Variants in OAS3 observed in about 807,000 individuals in gnomAD.
The protein encoded by OAS3 is 2'-5'-oligoadenylate synthetase 3, also known as 2'-5'-oligoadenylate synthase 3.
In OAS3, 107 loss-of-function variants were observed where a neutral mutation model predicts 113.0. The ratio of observed to expected loss-of-function variants is 0.95; its 90% CI spans 0.81 to 1.11. OAS3 has a LOEUF of 1.11. Ranked by LOEUF, OAS3 falls within the 50% of genes most tolerant of loss-of-function variation. The pLI is 0.00. For missense variants in OAS3, 1,258 were observed against 1,389.1 expected, an observed-to-expected ratio of 0.91 and a Z score of 1.50; for synonymous variants, 552 against 573.6, an observed-to-expected ratio of 0.96 and a Z score of 0.54.
chr12:112,961,310 G>A (rs1440697095), intron 8 of OAS3, 64 bp downstream of exon 8: 2 of 1,473,562 alleles, frequency 1.4e-6, no homozygotes, highest in African/African-American at 1.4e-5. Flanking sequence ...CAGCCAATCA[G>A]TTCCTCCTCT....
At chr12:112,957,993 C>A (rs1168271353) in intron 7 of OAS3, among the ~76,000 whole-genome samples, 1 of 152,226 alleles carries the variant, frequency 6.6e-6, no homozygotes, top group African/African-American at 2.4e-5. Context: ...TAGATTTGAT[C>A]TTTTCATATA....
rs2043915423 is a variant in OAS3 at position 112,964,357 on chromosome 12, G to T, written c.2352G>T (p.Leu784Phe). Residue 784 changes from leucine (L) to phenylalanine (F), a missense_variant, in exon 11 of 16, where the codon TTG (leucine) becomes TTT (phenylalanine). By Grantham distance (22) the Leu-to-Phe change is conservative. Coordinates refer to ENST00000228928, the MANE Select transcript of OAS3 (RefSeq NM_006187.4). Reference protein sequence around the residue: ...NKAVDTICSFLKENCFRNSPI... With the variant: ...NKAVDTICSFFKENCFRNSPI... ...CCGTTGATACCATCTGTTCATTTTT[G>T]AAGGAAAACTGCTTCCGGAATTCTC... 1 of 1,612,360 alleles carries T rather than the reference G, an allele frequency of 6.2e-7. No individual in the cohort carries two copies. Among genetic ancestry groups the T allele is most frequent in the African/African-American group, 1.3e-5 (1 of 74,926 alleles).
chr12:112,954,838 T>C lies in OAS3; in HGVS notation c.1657+3863T>C, dbSNP rs2043819687. On this transcript the variant is annotated intron_variant, in intron 7 of 15. Coordinates refer to ENST00000228928, the MANE Select transcript of OAS3 (RefSeq NM_006187.4). This position sits in a 1 kb window ranked among gnomAD's most constrained non-coding sequence, Gnocchi z 4.0. Reference sequence around the variant, plus strand: ...TGGTTTCATATGAACTTTAAAGTAGTTTTTTCCAATTCTGTGAAGAAAGTC... The same window carrying C: ...TGGTTTCATATGAACTTTAAAGTAGCTTTTTCCAATTCTGTGAAGAAAGTC... 6.6e-6 allele frequency among the ~76,000 whole-genome samples: 1 copy of C among 152,222 alleles called. No homozygotes were observed. The highest frequency in any genetic ancestry group is 2.1e-4 in the South Asian group (1 of 4,836).
Position 112,963,531 on chromosome 12 carries a change from G to A in OAS3, c.2229+74G>A, listed in dbSNP as rs914164922. The A allele has an allele frequency of 5.9e-6, 8 of 1,354,566 alleles. No individual in the cohort carries two copies. Among genetic ancestry groups the A allele is most frequent in the Non-Finnish European group, 6.8e-6 (7 of 1,035,348 alleles). The allele number at this position is 1,354,566 out of a possible 1,614,324, so 83.9% of individuals were successfully genotyped here. ...AGTCAGGTTCCCTTAACCTGCCGGT[G>A]CACCCATCCCCAGCTGCTAGGAGTG... On this transcript the variant is annotated intron_variant, in intron 10 of 15. Coordinates refer to ENST00000228928, the MANE Select transcript of OAS3 (RefSeq NM_006187.4). This position sits in a 1 kb window ranked among gnomAD's most constrained non-coding sequence, Gnocchi z 4.6.
intron 5 of OAS3, 93 bp downstream of exon 5, chr12:112,948,192 A>G: frequency 2.3e-6 from 3 of 1,281,464 alleles, no homozygotes; most frequent in Non-Finnish European, 3.1e-6. Flanking sequence ...ATGGTGTGGA[A>G]CAGGCTTTAA....
rs1366536797 is a variant in OAS3 at position 112,962,898 on chromosome 12, C to T, written c.2080C>T (p.Pro694Ser). 6.2e-7 allele frequency: 1 copy of T among 1,613,342 alleles called. No homozygotes were observed. The highest frequency in any genetic ancestry group is 8.5e-7 in the Non-Finnish European group (1 of 1,179,466). The change falls in exon 9 of 16, where the codon CCC (proline) becomes TCC (serine). Residue 694 changes from proline (P) to serine (S), a missense_variant. By Grantham distance (74) the Pro-to-Ser change is moderately conservative (BLOSUM62 -1). Coordinates refer to ENST00000228928, the MANE Select transcript of OAS3 (RefSeq NM_006187.4). ...RMHLLGQLRK[P>S]RPLVLDPADP... Reference sequence around the variant, plus strand: ...GCACCTTCTTGGCCAGCTTCGAAAACCCAGGTGAAGACCCGCTTCCCTTTG... The same window carrying T: ...GCACCTTCTTGGCCAGCTTCGAAAATCCAGGTGAAGACCCGCTTCCCTTTG...
chr12:112,950,690 C>T lies in OAS3; in HGVS notation c.1375-3C>T. The T allele has an allele frequency of 6.2e-7, 1 of 1,613,892 alleles. No homozygotes were observed. The highest frequency in any genetic ancestry group is 8.5e-7 in the Non-Finnish European group (1 of 1,179,816). On this transcript the variant is annotated splice_region_variant and splice_polypyrimidine_tract_variant and intron_variant, in intron 6 of 15. Coordinates refer to ENST00000228928, the MANE Select transcript of OAS3 (RefSeq NM_006187.4). ...CTGATCTGAGCTGTTCTTCCCTCCA[C>T]AGGGGGGCTCATTTGGCCGGGGCAC...
At chr12:112,968,373 A>G (rs565763555) in intron 14 of OAS3, among the ~76,000 whole-genome samples, 199 bp downstream of exon 14, 6 of 152,290 alleles carry the variant, frequency 3.9e-5, no homozygotes, top group African/African-American at 1.4e-4. Context: ...AAAACGCAAG[A>G]CCCCAAGTTA....
chr12:112,970,417 G>T lies in OAS3; in HGVS notation c.*444G>T. ...AAATCTAAATAGTTTATATAGGGAT[G>T]GCAGAGAGTTCCCATCTCATCTGTC... On this transcript the variant is annotated 3_prime_UTR_variant, in exon 16 of 16. Coordinates refer to ENST00000228928, the MANE Select transcript of OAS3 (RefSeq NM_006187.4). 5.1e-6 allele frequency: 1 copy of T among 197,706 alleles called. No individual in the cohort carries two copies. Among genetic ancestry groups the T allele is most frequent in the Non-Finnish European group, 1.0e-5 (1 of 96,002 alleles). The allele number at this position is 197,706 out of a possible 1,614,324, so 12.2% of individuals were successfully genotyped here. A position where few individuals can be genotyped will look rare whatever the true frequency, so the allele number is the denominator to read the frequency against.
At chr12:112,953,548 T>C (rs201810304) in intron 7 of OAS3, among the ~76,000 whole-genome samples, 1 of 152,196 alleles carries the variant, frequency 6.6e-6, no homozygotes, top group East Asian at 1.9e-4. Context: ...TTCTAGATCC[T>C]TGAGGAATCA....
At position 112,950,689 on chromosome 12, in the gene OAS3, A is replaced by G; in HGVS notation, c.1375-4A>G. On this transcript the variant is annotated splice_region_variant and splice_polypyrimidine_tract_variant and intron_variant, in intron 6 of 15. Coordinates refer to ENST00000228928, the MANE Select transcript of OAS3 (RefSeq NM_006187.4). ...CCTGATCTGAGCTGTTCTTCCCTCC[A>G]CAGGGGGGCTCATTTGGCCGGGGCA... is the stretch of plus-strand genomic sequence containing the variant. 1 of 1,613,896 alleles carries G rather than the reference A, an allele frequency of 6.2e-7. No individual in the cohort carries two copies. The highest frequency in any genetic ancestry group is 8.5e-7 in the Non-Finnish European group (1 of 1,179,802).
chr12:112,961,080 G>A lies in OAS3; in HGVS notation c.1667G>A (p.Ser556Asn). The A allele has an allele frequency of 6.2e-7, 1 of 1,613,394 alleles. No individual in the cohort carries two copies. The highest frequency in any genetic ancestry group is 8.5e-7 in the Non-Finnish European group (1 of 1,179,684). The stretch of plus-strand genomic sequence containing the variant: ...TTTCAAACTTCTACAGGGCAGCTCA[G>A]TTCTGGCACCAAACCAAATCCCCAG... The part of the protein sequence containing the change: ...LPAFDAVGQL[S>N]SGTKPNPQVY... The change falls in exon 8 of 16, where the codon AGT becomes AAT. Residue 556 changes from serine to asparagine, a missense_variant. Ser to Asn is a conservative substitution (Grantham distance 46, BLOSUM62 1). Coordinates refer to ENST00000228928, the MANE Select transcript of OAS3 (RefSeq NM_006187.4).
Position 112,966,851 on chromosome 12 carries a change from C to T in OAS3, c.2690-567C>T, listed in dbSNP as rs985996294. On this transcript the variant is annotated intron_variant, in intron 12 of 15. Transcript: ENST00000228928. Reference sequence around the variant, plus strand: ...AGAGATGGGGATATGACTATGTTGCCCAGGCTGATCTGAAACTCCTGGCCA... The same window carrying T: ...AGAGATGGGGATATGACTATGTTGCTCAGGCTGATCTGAAACTCCTGGCCA... Among the ~76,000 whole-genome samples, 5 of 152,136 alleles carry T rather than the reference C, an allele frequency of 3.3e-5. No individual in the cohort carries two copies. In the South Asian group the frequency reaches 8.3e-4, roughly 25 times the overall value.
At position 112,961,630 on chromosome 12, in the gene OAS3, A is replaced by G. The variant is rs565504437; in HGVS notation, c.1833+384A>G. Among the ~76,000 whole-genome samples the G allele has an allele frequency of 9.9e-5, 15 of 152,250 alleles. No homozygotes were observed. The South Asian group carries it at 3.1e-3, about 32-fold the overall frequency. On this transcript the variant is annotated intron_variant, in intron 8 of 15. Transcript: ENST00000228928. ...TTCTGGAAGCCTAGAGCTGGCAATG[A>G]CCACCATATGGTAAGGGCCTGTCCA...
chr12:112,964,430 G>A, intron 11 of OAS3, 22 bp downstream of exon 11: 1 of 1,602,858 alleles, frequency 6.2e-7, no homozygotes, highest in Non-Finnish European at 8.5e-7. Context: ...GAGAGCTGTA[G>A]GCAAGCAGTG....
intron 7 of OAS3, among the ~76,000 whole-genome samples, chr12:112,955,497 A>G (rs974383647): frequency 6.6e-6 from 1 of 152,328 alleles, no homozygotes; most frequent in Non-Finnish European, 1.5e-5. Context: ...GCCTCCCATC[A>G]ATACCTAGTT....
In OAS3 at chr12:112,969,608, G is replaced by A; in HGVS notation, c.3105G>A (p.Arg1035=). 1.3e-6 allele frequency: 2 copies of A among 1,596,624 alleles called. No homozygotes were observed. Among genetic ancestry groups the A allele is most frequent in the South Asian group, 2.3e-5 (2 of 87,946 alleles). ...GACTGTCCCTGGGTGGGAATTGCAG[G>A]CCTATCATCCTGGATCCGGCTGACC... The part of the protein sequence containing the change: ...DFLKQQLQKP[R]PIILDPADPT... Residue 1035 remains arginine (R), a splice_region_variant and synonymous_variant, in exon 15 of 16, where the codon AGG becomes AGA. Coordinates refer to ENST00000228928, the MANE Select transcript of OAS3 (RefSeq NM_006187.4).
intron 14 of OAS3, 157 bp from the exon 15 acceptor site, chr12:112,969,451 A>T: frequency 2.5e-6 from 2 of 789,640 alleles, no homozygotes; most frequent in Non-Finnish European, 4.1e-6. Context: ...TATTTTCTAT[A>T]CCTGCCCTGT....
intron 2 of OAS3, 139 bp downstream of exon 2, chr12:112,941,991 G>A: frequency 9.7e-7 from 1 of 1,028,086 alleles, no homozygotes; most frequent in Non-Finnish European, 1.5e-6. Flanking sequence ...TCAGTCTGGG[G>A]ACTAAACATA....
Sources: allele counts gnomAD v4.1 joint callset (sites outside exome capture counted in the v4.1 genomes callset), GRCh38; gene constraint gnomAD v4.1.1; non-coding constraint Gnocchi (gnomAD v3.1); transcripts MANE v1.5; gene names NCBI Gene and HGNC (gene_info 2026-07-23, HGNC 2026-07-21).